DYNC1I1: variants seen among roughly 807,000 people sequenced by gnomAD.
The protein encoded by DYNC1I1 is cytoplasmic dynein 1 intermediate chain 1.
Under a neutral mutation model 86.6 loss-of-function variants are expected in DYNC1I1, and 43 were observed. The ratio of observed to expected loss-of-function variants is 0.50; its 90% CI spans 0.39 to 0.64. The LOEUF (loss-of-function observed/expected upper bound fraction) is 0.64. DYNC1I1 is among the 30% of genes least tolerant of loss of function. DYNC1I1 has a pLI of 0.00. For synonymous variants in DYNC1I1, 262 were observed against 283.7 expected (o/e 0.92, Z 0.77); for missense variants, 604 against 788.8 (o/e 0.77, Z 2.81).
At chr7:95,790,505 A>G (rs1794267754) in intron 1 of DYNC1I1, among the ~76,000 whole-genome samples, 1 of 152,114 alleles carries the variant, frequency 6.6e-6, no homozygotes, top group South Asian at 2.1e-4. Context: ...CTTTTTGGAA[A>G]CTTTCTTTCA....
intron 16 of DYNC1I1, among the ~76,000 whole-genome samples, chr7:96,096,798 A>G (rs1378738385): frequency 6.6e-6 from 1 of 152,148 alleles, no homozygotes; most frequent in East Asian, 1.9e-4. Context: ...TTTGCTTGCT[A>G]TGCAACCTTG....
At chr7:95,912,531 T>C (rs1791365032) in intron 6 of DYNC1I1, among the ~76,000 whole-genome samples, 1 of 152,128 alleles carries the variant, frequency 6.6e-6, no homozygotes, top group Admixed American at 6.5e-5. Context: ...TGCAGGGACA[T>C]AGAGTGAATA....
At chr7:96,049,506 A>C (rs999203537) in intron 14 of DYNC1I1, among the ~76,000 whole-genome samples, 8 of 152,098 alleles carry the variant, frequency 5.3e-5, no homozygotes, top group Non-Finnish European at 1.2e-4. Context: ...CATAATCTTT[A>C]CTTTAAACTT....
Position 95,810,525 on chromosome 7 carries a change from T to A in DYNC1I1, c.223+19T>A, listed in dbSNP as rs1426633770. The A allele has an allele frequency of 1.2e-6, 2 of 1,600,300 alleles. No individual in the cohort carries two copies. Among genetic ancestry groups the A allele is most frequent in the Admixed American group, 3.4e-5 (2 of 58,412 alleles). On this transcript the variant is annotated intron_variant, in intron 3 of 16. Coordinates refer to ENST00000447467, the MANE Select transcript of DYNC1I1 (RefSeq NM_001135556.2). Reference sequence around the variant, plus strand: ...CCTCTAGGTACTTAAAAGTGCTTCCTGTTACTATTCCTCAAAATCAACTTG... The same window carrying A: ...CCTCTAGGTACTTAAAAGTGCTTCCAGTTACTATTCCTCAAAATCAACTTG...
intron 6 of DYNC1I1, among the ~76,000 whole-genome samples, chr7:95,904,226 G>T (rs192643116): frequency 1.3e-5 from 2 of 152,078 alleles, no homozygotes; most frequent in Admixed American, 6.6e-5. Context: ...CCAGAGTACT[G>T]TTACCAAGGA....
chr7:95,975,980 A>G (rs979159359), intron 6 of DYNC1I1, among the ~76,000 whole-genome samples: 1 of 152,210 alleles, frequency 6.6e-6, no homozygotes, highest in Non-Finnish European at 1.5e-5. Context: ...GTGTGTGTGA[A>G]GAGATAGCAT....
At chr7:95,963,557 G>A (rs1056951908) in intron 6 of DYNC1I1, among the ~76,000 whole-genome samples, 1 of 152,154 alleles carries the variant, frequency 6.6e-6, no homozygotes, top group Non-Finnish European at 1.5e-5. Context: ...CTAACCACTA[G>A]ACTATTTTCC....
intron 6 of DYNC1I1, among the ~76,000 whole-genome samples, chr7:95,914,081 T>G (rs1189467545): frequency 6.6e-6 from 1 of 152,198 alleles, no homozygotes; most frequent in Non-Finnish European, 1.5e-5. Flanking sequence ...ACTGGGTTGA[T>G]AGGTTTATTG....
chr7:96,020,544 G>T (rs756912052), intron 10 of DYNC1I1, among the ~76,000 whole-genome samples: 46 of 152,246 alleles, frequency 3.0e-4, no homozygotes, highest in Non-Finnish European at 5.3e-4. Context: ...CTCAAGATGA[G>T]ATTTGAGTGG....
intron 6 of DYNC1I1, among the ~76,000 whole-genome samples, chr7:95,934,526 T>A (rs1791987358): frequency 6.6e-6 from 1 of 152,148 alleles, no homozygotes; most frequent in East Asian, 1.9e-4. Context: ...GTATGATAAA[T>A]AGTTCTTTCT....
intron 9 of DYNC1I1, among the ~76,000 whole-genome samples, chr7:95,993,884 G>A (rs767586432): frequency 1.9e-4 from 29 of 152,160 alleles, no homozygotes; most frequent in Non-Finnish European, 3.4e-4. Flanking sequence ...GAGTGATACG[G>A]TCTGCCATAA....
At chr7:96,076,709 T>A (rs1790351214) in intron 15 of DYNC1I1, among the ~76,000 whole-genome samples, 1 of 152,202 alleles carries the variant, frequency 6.6e-6, no homozygotes, top group Admixed American at 6.5e-5. Flanking sequence ...AGGTAAATAT[T>A]CCTTGTCTAA....
intron 14 of DYNC1I1, among the ~76,000 whole-genome samples, chr7:96,042,675 A>G (rs2116055790): frequency 6.6e-6 from 1 of 152,350 alleles, no homozygotes; most frequent in South Asian, 2.1e-4. Flanking sequence ...ACAATACTGA[A>G]GAAAACAAAC....
At chr7:96,067,653 T>C (rs1238860958) in intron 14 of DYNC1I1, among the ~76,000 whole-genome samples, 1 of 152,158 alleles carries the variant, frequency 6.6e-6, no homozygotes, top group East Asian at 1.9e-4. Context: ...GTTAAATATT[T>C]ATGCAGACGT....
chr7:96,033,541 AAAC>A (rs1794863456), intron 12 of DYNC1I1, among the ~76,000 whole-genome samples: 1 of 152,204 alleles, frequency 6.6e-6, no homozygotes, highest in Non-Finnish European at 1.5e-5. Context: ...CTCCAACCAA[AAAC>A]AACAGAGAAG....
intron 15 of DYNC1I1, 35 bp from the exon 16 acceptor site, chr7:96,080,328 G>T: frequency 6.5e-7 from 1 of 1,535,246 alleles, no homozygotes; most frequent in Non-Finnish European, 8.7e-7. Flanking sequence ...TTCATATTCA[G>T]AGATTCTTTT....
intron 5 of DYNC1I1, among the ~76,000 whole-genome samples, chr7:95,836,833 A>G (rs1388168123): frequency 2.0e-5 from 3 of 151,946 alleles, no homozygotes; most frequent in Non-Finnish European, 4.4e-5. Flanking sequence ...TCCTTTCAGC[A>G]CTTCTCTGTA....
At chr7:95,799,578 A>T (rs1177887374) in intron 1 of DYNC1I1, among the ~76,000 whole-genome samples, 1 of 152,100 alleles carries the variant, frequency 6.6e-6, no homozygotes, top group African/African-American at 2.4e-5. Context: ...CAGAAGAAAA[A>T]ATTGAGAAGT....
intron 6 of DYNC1I1, among the ~76,000 whole-genome samples, chr7:95,923,827 GTTATAATGAAGTA>G (rs578060833): frequency 4.0e-4 from 61 of 152,254 alleles, no homozygotes; most frequent in African/African-American, 1.4e-3. Flanking sequence ...GAAAGGGAAG[GTTATAATGAAGTA>G]TTATCTACCA....
Sources: allele counts gnomAD v4.1 joint callset (sites outside exome capture counted in the v4.1 genomes callset), GRCh38; gene constraint gnomAD v4.1.1; transcripts MANE v1.5; gene names NCBI Gene and HGNC (gene_info 2026-07-23, HGNC 2026-07-21).